Variants in EFEMP1 observed in about 807,000 individuals in gnomAD.
EFEMP1 encodes EGF-like fibulin extracellular matrix protein 1.
EFEMP1 carries 18 observed loss-of-function variants against 65.7 expected under a neutral mutation model. That is an observed-to-expected ratio of 0.27 (90% CI 0.19 to 0.41). The LOEUF (loss-of-function observed/expected upper bound fraction) is 0.41, where lower values mean the gene tolerates loss of function less well. Among genes scored for constraint, EFEMP1 ranks in the 10% least tolerant of loss-of-function variants. The probability of loss-of-function intolerance (pLI) is 1.00; values close to 1 mark genes in which losing one functional copy is unlikely to be tolerated. For missense variants in EFEMP1, 469 were observed against 624.8 expected, an observed-to-expected ratio of 0.75 and a Z score of 2.66; for synonymous variants, 237 against 219.7, an observed-to-expected ratio of 1.08 and a Z score of -0.70.
intron 5 of EFEMP1, among the ~76,000 whole-genome samples, chr2:55,906,222 CTTTT>C (rs577782138): frequency 1.2e-4 from 16 of 129,746 alleles, no homozygotes; most frequent in Admixed American, 5.4e-4. Flanking sequence ...AGCCCTGCAT[CTTTT>C]TTTTTTTTTT....
chr2:55,896,337 C>G (rs556227407), intron 5 of EFEMP1, among the ~76,000 whole-genome samples: 1 of 152,332 alleles, frequency 6.6e-6, no homozygotes, highest in Admixed American at 6.5e-5. Context: ...TGTTTTCAAT[C>G]CAGTGTTCCA....
In EFEMP1 at chr2:55,922,162, G is replaced by T; in HGVS notation, c.81+198C>A. The T allele has an allele frequency of 1.7e-6, 1 of 578,068 alleles. No individual in the cohort carries two copies. Among genetic ancestry groups the T allele is most frequent in the Non-Finnish European group, 3.2e-6 (1 of 315,042 alleles). 35.8% of individuals were successfully genotyped at this position (578,068 alleles called of 1,614,324 possible). On this transcript the variant is annotated intron_variant, in intron 3 of 11. Transcript: ENST00000355426. The surrounding 1 kb of genome is among the most constrained non-coding windows in gnomAD (Gnocchi z 5.5). ...TTACATGTTGGTTCCTATCTTAGGT[G>T]GTGAGCCCAATGAACTTTTGAAAGG...
Position 55,871,665 on chromosome 2 carries a change from A to G in EFEMP1, c.1001-542T>C, listed in dbSNP as rs1668815546. ...GGCAGGGAAGGCTTTCCAAGCTGAG[A>G]AATCAGGAAGCATAAACTATGGAGG... On this transcript the variant is annotated intron_variant, in intron 9 of 11. Transcript: ENST00000355426. This position sits in a 1 kb window ranked among gnomAD's most constrained non-coding sequence, Gnocchi z 4.2. Among the ~76,000 whole-genome samples, 1 of 152,062 alleles carries G rather than the reference A, an allele frequency of 6.6e-6. No individual in the cohort carries two copies.
chr2:55,914,009 CA>C (rs913534673), intron 5 of EFEMP1, among the ~76,000 whole-genome samples: 3 of 148,202 alleles, frequency 2.0e-5, no homozygotes, highest in Admixed American at 6.7e-5. Context: ...GACTCTGTCT[CA>C]AAAAAAAAGG....
rs986910163 is a variant in EFEMP1 at position 55,923,029 on chromosome 2, C to A, written c.-48-90G>T. The A allele has an allele frequency of 3.3e-6, 3 of 905,480 alleles. No individual in the cohort carries two copies. The highest frequency in any genetic ancestry group is 1.0e-4 in the Admixed American group (2 of 19,456). 56.1% of individuals were successfully genotyped at this position (905,480 alleles called of 1,614,324 possible). On this transcript the variant is annotated intron_variant, in intron 1 of 11. Transcript: ENST00000355426. This position sits in a 1 kb window ranked among gnomAD's most constrained non-coding sequence, Gnocchi z 5.3. ...AAACTCGGAGAGCAATCTTCCAGTT[C>A]TAGTAGAATACTAGACCTTCTCACA...
rs756890736 is a variant in EFEMP1 at position 55,871,074 on chromosome 2, A to G, written c.1050T>C (p.Cys350=). 1.1e-5 allele frequency: 17 copies of G among 1,613,630 alleles called. No homozygotes were observed. The highest frequency in any genetic ancestry group is 1.3e-5 in the Non-Finnish European group (15 of 1,179,792). The change falls in exon 10 of 12, where the codon TGT becomes TGC. Residue 350 remains cysteine (C), a synonymous_variant. Transcript: ENST00000355426. This position sits in a 1 kb window ranked among gnomAD's most constrained non-coding sequence, Gnocchi z 4.2. ...TTNECREDEM[C]WNYHGGFRCY... is the part of the protein sequence containing the mutation. ...AACGGAAGCCGCCATGATAATTCCA[A>G]CACATTTCATCCTCCCGGCATTCAT...
chr2:55,899,138 C>T (rs1222993502), intron 5 of EFEMP1, among the ~76,000 whole-genome samples: 1 of 152,204 alleles, frequency 6.6e-6, no homozygotes, highest in Non-Finnish European at 1.5e-5. Context: ...AACTGGCTAC[C>T]TGGTGGCAGC....
In EFEMP1 at chr2:55,867,457, T is replaced by TA. The variant is rs200329602; in HGVS notation, c.1321-224dup. ...TCAAGGACTTGCTTTTTTTTTTTTT[T>TA]AAATAGTTCTTTGTTTTTGATTCCT... On this transcript the variant is annotated intron_variant, in intron 11 of 11. Transcript: ENST00000355426. This position sits in a 1 kb window ranked among gnomAD's most constrained non-coding sequence, Gnocchi z 4.3. 1.4e-3 allele frequency among the ~76,000 whole-genome samples: 203 copies of TA among 149,140 alleles called. 4 individuals are homozygous for TA. In the East Asian group the frequency reaches 0.033, roughly 24 times the overall value.
At position 55,866,759 on chromosome 2, in the gene EFEMP1, A is replaced by G. The variant is rs1278520736; in HGVS notation, c.*314T>C. ...GCTCTAGTAAGTTTCCTTAAGCACC[A>G]CAGAAGATCATCATTGCTTGGTCCC... On this transcript the variant is annotated 3_prime_UTR_variant, in exon 12 of 12. Transcript: ENST00000355426. 6.2e-6 allele frequency: 2 copies of G among 321,880 alleles called. No individual in the cohort carries two copies. The highest frequency in any genetic ancestry group is 1.2e-5 in the Non-Finnish European group (2 of 169,854). The allele number at this position is 321,880 out of a possible 1,614,324, so 19.9% of individuals were successfully genotyped here.
Position 55,867,365 on chromosome 2 carries a change from G to A in EFEMP1, c.1321-131C>T. ...GGTGGTATAAAAGAGCCACTACTTGGTCCCTTCTTGGTTTCAACTCTTCTT... is the reference window on the plus strand; with the variant it reads ...GGTGGTATAAAAGAGCCACTACTTGATCCCTTCTTGGTTTCAACTCTTCTT... On this transcript the variant is annotated intron_variant, in intron 11 of 11. Transcript: ENST00000355426. The surrounding 1 kb of genome is among the most constrained non-coding windows in gnomAD (Gnocchi z 4.3). 1 of 972,348 alleles carries A rather than the reference G, an allele frequency of 1.0e-6. No individual in the cohort carries two copies. The highest frequency in any genetic ancestry group is 1.5e-6 in the Non-Finnish European group (1 of 659,842). The allele number at this position is 972,348 out of a possible 1,614,324, so 60.2% of individuals were successfully genotyped here.
At position 55,870,885 on chromosome 2, in the gene EFEMP1, C is replaced by T. The variant is rs754310502; in HGVS notation, c.1155G>A (p.Met385Ile). ...CTATTGACTGGGGCAGTTCTCGGCA[C>T]ATGGCATTTGAGACTGGGCAAACAC... Reference protein sequence around the residue: ...NRCVCPVSNAMCRELPQSIVY... With the variant: ...NRCVCPVSNAICRELPQSIVY... The change falls in exon 11 of 12, where the codon ATG (methionine) becomes ATA (isoleucine). Residue 385 changes from methionine (M) to isoleucine (I), a missense_variant. This residue lies in a region of EFEMP1 where 399 missense variants were observed against 528.2 expected (regional missense o/e 0.76). Transcript: ENST00000355426. This position sits in a 1 kb window ranked among gnomAD's most constrained non-coding sequence, Gnocchi z 5.8. 1 of 1,613,688 alleles carries T rather than the reference C, an allele frequency of 6.2e-7. No homozygotes were observed.
chr2:55,878,014 A>G (rs1669101279), intron 6 of EFEMP1, 149 bp from the exon 7 acceptor site: 1 of 963,974 alleles, frequency 1.0e-6, no homozygotes, highest in Admixed American at 2.5e-5. Context: ...TGTATTTTAA[A>G]TATACTTTGT....
intron 5 of EFEMP1, among the ~76,000 whole-genome samples, chr2:55,887,830 T>C (rs935865395): frequency 6.6e-6 from 1 of 152,220 alleles, no homozygotes; most frequent in Non-Finnish European, 1.5e-5. Flanking sequence ...TCAAGTGTCC[T>C]AGAAGCCCTT....
At position 55,922,630 on chromosome 2, in the gene EFEMP1, G is replaced by A. The variant is rs927645706; in HGVS notation, c.-7-183C>T. 4.7e-6 allele frequency: 3 copies of A among 639,266 alleles called. No individual in the cohort carries two copies. Among genetic ancestry groups the A allele is most frequent in the Middle Eastern group, 4.4e-4 (1 of 2,292 alleles). The allele number at this position is 639,266 out of a possible 1,614,324, so 39.6% of individuals were successfully genotyped here. A position where few individuals can be genotyped will look rare whatever the true frequency, so the allele number is the denominator to read the frequency against. ...TGAACCTTCTCGGTAGCCAACGAACGAGGCAGCAAAGACGTAAAAACTGCT... is the reference window on the plus strand; with the variant it reads ...TGAACCTTCTCGGTAGCCAACGAACAAGGCAGCAAAGACGTAAAAACTGCT... On this transcript the variant is annotated intron_variant, in intron 2 of 11. Coordinates refer to ENST00000355426, the MANE Select transcript of EFEMP1 (RefSeq NM_001039348.3). This position sits in a 1 kb window ranked among gnomAD's most constrained non-coding sequence, Gnocchi z 5.5.
chr2:55,905,849 G>C (rs1345933771), intron 5 of EFEMP1, among the ~76,000 whole-genome samples: 1 of 152,144 alleles, frequency 6.6e-6, no homozygotes, highest in African/African-American at 2.4e-5. Flanking sequence ...TTTTCTAACA[G>C]ACTGACATTC....
chr2:55,903,910 C>T (rs1245613298), intron 5 of EFEMP1, among the ~76,000 whole-genome samples: 1 of 152,164 alleles, frequency 6.6e-6, no homozygotes, highest in Non-Finnish European at 1.5e-5. Context: ...TTGTCCTCAA[C>T]TCCCTTGTCT....
At chr2:55,915,106 G>A (rs1670627876) in intron 5 of EFEMP1, among the ~76,000 whole-genome samples, 1 of 152,188 alleles carries the variant, frequency 6.6e-6, no homozygotes, top group African/African-American at 2.4e-5. Context: ...CAACAATTAA[G>A]TAAATCCACA....
At chr2:55,920,242 T>A (rs985810602) in intron 3 of EFEMP1, among the ~76,000 whole-genome samples, 1 of 152,246 alleles carries the variant, frequency 6.6e-6, no homozygotes, top group Non-Finnish European at 1.5e-5. Flanking sequence ...AGCACAGAGT[T>A]CTGTCTCCTC....
At chr2:55,880,770 G>A (rs1450743590) in intron 6 of EFEMP1, among the ~76,000 whole-genome samples, 1 of 152,214 alleles carries the variant, frequency 6.6e-6, no homozygotes, top group Non-Finnish European at 1.5e-5. Flanking sequence ...TGAGCCCAGA[G>A]TACTGTATTT....
Sources: gnomAD v4.1 joint callset for allele counts (sites outside exome capture counted in the v4.1 genomes callset) on GRCh38, gnomAD v4.1.1 for gene constraint, gnomAD v4.1.1 regional missense constraint, Gnocchi (gnomAD v3.1) non-coding constraint, MANE v1.5 for transcripts, NCBI Gene and HGNC (gene_info 2026-07-23, HGNC 2026-07-21) for gene names.